Variants in ANKRD11 observed in about 807,000 individuals in gnomAD.
ANKRD11 encodes ankyrin repeat domain 11, also known as ankyrin repeat domain-containing protein 11.
ANKRD11 carries 17 observed loss-of-function variants against 195.7 expected under a neutral mutation model. That is an observed-to-expected ratio of 0.09 (90% CI 0.06 to 0.13). The LOEUF (loss-of-function observed/expected upper bound fraction) is 0.13. Ranked by LOEUF, ANKRD11 falls within the 10% of genes least tolerant of loss-of-function variation. The pLI is 1.00. For missense variants in ANKRD11, 3,735 were observed against 3,566.1 expected (o/e 1.05, Z -1.21); for synonymous variants, 1,953 against 1,528.1 (o/e 1.28, Z -6.49).
At chr16:89,324,095 C>T (rs137963535) in intron 2 of ANKRD11, 31 of 398,140 alleles carry the variant, frequency 7.8e-5, no homozygotes, top group African/African-American at 5.0e-4. Context: ...CATGATCTGC[C>T]GGCCTCGGCC....
At chr16:89,430,743 G>C (rs2042942770) in intron 1 of ANKRD11, among the ~76,000 whole-genome samples, 1 of 152,184 alleles carries the variant, frequency 6.6e-6, no homozygotes, top group African/African-American at 2.4e-5. Flanking sequence ...TTTCATTAAT[G>C]CAACCTGATG....
At chr16:89,361,725 T>G (rs1422070597) in intron 2 of ANKRD11, 2 of 152,156 alleles carry the variant, frequency 1.3e-5, no homozygotes, top group Non-Finnish European at 2.9e-5. Context: ...AAATATCACT[T>G]TCAAGCTTAA....
intron 3 of ANKRD11, among the ~76,000 whole-genome samples, chr16:89,311,836 T>G (rs2036623074): frequency 6.6e-6 from 1 of 152,164 alleles, no homozygotes; most frequent in Middle Eastern, 3.2e-3. Context: ...TTTTCTTTCT[T>G]AAAGTGGGAA....
At chr16:89,356,689 G>A (rs2039490854) in intron 2 of ANKRD11, among the ~76,000 whole-genome samples, 1 of 149,096 alleles carries the variant, frequency 6.7e-6, no homozygotes, top group Non-Finnish European at 1.5e-5. Context: ...GCTGAGGCAG[G>A]AGAATGGTAT....
chr16:89,472,691 T>C (rs2057128822), intron 1 of ANKRD11, among the ~76,000 whole-genome samples: 1 of 152,228 alleles, frequency 6.6e-6, no homozygotes, highest in Non-Finnish European at 1.5e-5. Flanking sequence ...GTTACTGTTT[T>C]ATTAGGTATC....
intron 2 of ANKRD11, among the ~76,000 whole-genome samples, chr16:89,336,863 CG>C (rs2038381620): frequency 1.3e-5 from 2 of 152,166 alleles, no homozygotes; most frequent in East Asian, 3.9e-4. Flanking sequence ...CGGTGGCTCA[CG>C]CCTGTAATCC....
At chr16:89,431,680 G>C (rs1198968990) in intron 1 of ANKRD11, among the ~76,000 whole-genome samples, 2 of 151,968 alleles carry the variant, frequency 1.3e-5, no homozygotes, top group Non-Finnish European at 2.9e-5. Context: ...GCCACTGCAG[G>C]GGCACTCTCA....
At chr16:89,428,278 C>T (rs953010540) in intron 1 of ANKRD11, among the ~76,000 whole-genome samples, 2 of 152,138 alleles carry the variant, frequency 1.3e-5, no homozygotes, top group South Asian at 2.1e-4. Context: ...ATAATCCCAG[C>T]ACTTTGGGAG....
chr16:89,385,351 A>C (rs2040862057), intron 2 of ANKRD11, among the ~76,000 whole-genome samples: 1 of 148,270 alleles, frequency 6.7e-6, no homozygotes, highest in African/African-American at 2.5e-5. Context: ...CTGGTCTCGA[A>C]CTCCTGACCT....
intron 1 of ANKRD11, among the ~76,000 whole-genome samples, chr16:89,447,497 C>CTG (rs1423485179): frequency 6.6e-6 from 1 of 152,170 alleles, no homozygotes; most frequent in Non-Finnish European, 1.5e-5. Flanking sequence ...GGCTGTCGTC[C>CTG]ACAATCCTAC....
At chr16:89,441,578 T>C (rs180789921) in intron 1 of ANKRD11, among the ~76,000 whole-genome samples, 262 of 151,796 alleles carry the variant, frequency 1.7e-3, no homozygotes, top group Admixed American at 4.5e-3. Flanking sequence ...CCATCCTGGC[T>C]AACATGGTAA....
At chr16:89,351,190 G>T (rs1463159357) in intron 2 of ANKRD11, among the ~76,000 whole-genome samples, 1 of 152,246 alleles carries the variant, frequency 6.6e-6, no homozygotes, top group Non-Finnish European at 1.5e-5. Context: ...AAAGCAGAGA[G>T]GCGGCGGCGG....
At chr16:89,458,885 T>A (rs557585232) in intron 1 of ANKRD11, 2 of 152,316 alleles carry the variant, frequency 1.3e-5, no homozygotes, top group Non-Finnish European at 2.9e-5. Flanking sequence ...GGTCCTGTGG[T>A]TCCTCAGGGG....
At chr16:89,305,698 A>C (rs2036163144) in intron 3 of ANKRD11, among the ~76,000 whole-genome samples, 1 of 104,462 alleles carries the variant, frequency 9.6e-6, no homozygotes, top group African/African-American at 4.0e-5. Context: ...GCCACCTCCC[A>C]CTCCGCAGAC....
chr16:89,274,551 C>T (rs771991947), intron 11 of ANKRD11, among the ~76,000 whole-genome samples: 5 of 152,180 alleles, frequency 3.3e-5, no homozygotes, highest in Non-Finnish European at 5.9e-5. Flanking sequence ...ACAAGTGTTA[C>T]GGAGGGACTG....
intron 2 of ANKRD11, among the ~76,000 whole-genome samples, chr16:89,354,719 T>TA (rs1280122745): frequency 2.0e-5 from 3 of 152,142 alleles, no homozygotes; most frequent in Admixed American, 2.0e-4. Context: ...ACGTCTCTAC[T>TA]AAAAATACAG....
chr16:89,469,951 G>A (rs1170278974), intron 1 of ANKRD11, among the ~76,000 whole-genome samples: 3 of 151,524 alleles, frequency 2.0e-5, no homozygotes, highest in African/African-American at 4.8e-5. Context: ...TGTCGCTCAG[G>A]CTGGAGCGCA....
At chr16:89,336,924 C>G (rs1281088896) in intron 2 of ANKRD11, among the ~76,000 whole-genome samples, 2 of 145,792 alleles carry the variant, frequency 1.4e-5, no homozygotes, top group Non-Finnish European at 3.0e-5. Context: ...AATCCTAGCA[C>G]TTTAGGAGGC....
chr16:89,451,596 T>C (rs915146000), intron 1 of ANKRD11, among the ~76,000 whole-genome samples: 12 of 151,896 alleles, frequency 7.9e-5, no homozygotes, highest in Admixed American at 6.6e-4. Context: ...TTTGTATTTT[T>C]AGTAGAGACA....
Sources: allele counts gnomAD v4.1 joint callset (sites outside exome capture counted in the v4.1 genomes callset), GRCh38; gene constraint gnomAD v4.1.1; transcripts MANE v1.5; gene names NCBI Gene and HGNC (gene_info 2026-07-23, HGNC 2026-07-21).